SKIC3: variants seen among roughly 807,000 people sequenced by gnomAD.
SKIC3 encodes the protein SKI3 subunit of superkiller complex, also known as superkiller complex protein 3.
chr5:95,478,408 A>G, the SKIC3 span: 3 of 1,613,970 alleles, frequency 1.9e-6, no homozygotes, highest in Non-Finnish European at 2.5e-6. Context: ...TGCAGCTCTC[A>G]TCATTCCTTG....
At chr5:95,478,422 T>C in the SKIC3 span, 1 of 1,613,914 alleles carries the variant, frequency 6.2e-7, no homozygotes, top group East Asian at 2.2e-5. Context: ...TTCCTTGGGA[T>C]TGATACACAT....
the SKIC3 span, among the ~76,000 whole-genome samples, chr5:95,498,039 G>A: frequency 6.6e-6 from 1 of 152,074 alleles, no homozygotes; most frequent in African/African-American, 2.4e-5. Context: ...TTAAACGGCT[G>A]AAAATTACTA....
chr5:95,471,418 G>T, the SKIC3 span, among the ~76,000 whole-genome samples: 8 of 152,026 alleles, frequency 5.3e-5, no homozygotes, highest in African/African-American at 1.9e-4. Context: ...CCCACTACCT[G>T]TTCAACATTT....
the SKIC3 span, among the ~76,000 whole-genome samples, chr5:95,508,296 C>T: frequency 1.3e-5 from 2 of 152,122 alleles, no homozygotes; most frequent in African/African-American, 2.4e-5. Context: ...GATTAGGCAA[C>T]CAGGTCTTTT....
the SKIC3 span, chr5:95,516,693 C>A: frequency 1.9e-6 from 3 of 1,613,284 alleles, no homozygotes; most frequent in African/African-American, 1.3e-5. Flanking sequence ...GCAACCACAC[C>A]AAGAGCATTC....
chr5:95,473,604 C>T, the SKIC3 span, among the ~76,000 whole-genome samples: 1 of 152,146 alleles, frequency 6.6e-6, no homozygotes, highest in Non-Finnish European at 1.5e-5. Flanking sequence ...TAATAATAGC[C>T]ATTCTGACTG....
chr5:95,546,462 GA>G, the SKIC3 span, among the ~76,000 whole-genome samples: 1 of 151,618 alleles, frequency 6.6e-6, no homozygotes, highest in Admixed American at 6.6e-5. Flanking sequence ...CAAGAAAATA[GA>G]AGCCATTAGA....
At chr5:95,506,597 C>T in the SKIC3 span, among the ~76,000 whole-genome samples, 1 of 152,226 alleles carries the variant, frequency 6.6e-6, no homozygotes, top group South Asian at 2.1e-4. Flanking sequence ...CCCCTAATGT[C>T]CCTCCCCGGT....
the SKIC3 span, chr5:95,482,487 C>G: frequency 6.2e-7 from 1 of 1,613,930 alleles, no homozygotes; most frequent in Non-Finnish European, 8.5e-7. Context: ...CAAGCTGGAA[C>G]AGAGGTTGAG....
At chr5:95,490,324 T>C in the SKIC3 span, among the ~76,000 whole-genome samples, 1 of 151,484 alleles carries the variant, frequency 6.6e-6, no homozygotes. Context: ...ATTGGGCTTT[T>C]AAGCTATCTG....
chr5:95,504,722 C>A, the SKIC3 span, among the ~76,000 whole-genome samples: 1 of 151,704 alleles, frequency 6.6e-6, no homozygotes, highest in Non-Finnish European at 1.5e-5. Context: ...GAGAGGAAGC[C>A]GGGCACAGTG....
the SKIC3 span, among the ~76,000 whole-genome samples, chr5:95,541,132 A>C: frequency 4.6e-5 from 7 of 151,898 alleles, no homozygotes; most frequent in Non-Finnish European, 1.0e-4. Context: ...ATGCCCAGCT[A>C]ATTTTGTATT....
chr5:95,494,765 T>G, the SKIC3 span: 2 of 1,613,808 alleles, frequency 1.2e-6, no homozygotes. Context: ...CATAGCCAAC[T>G]GATTTACCGC....
At chr5:95,492,296 C>G in the SKIC3 span, among the ~76,000 whole-genome samples, 2 of 151,986 alleles carry the variant, frequency 1.3e-5, no homozygotes, top group Admixed American at 1.3e-4. Context: ...AGCCGTGCCA[C>G]TAATTAATGT....
At chr5:95,478,311 T>C in the SKIC3 span, 4,914 of 1,613,904 alleles carry the variant, frequency 3.0e-3, 22 homozygotes, top group Middle Eastern at 4.3e-3. Flanking sequence ...TTAATGCAAG[T>C]AGTGCTAGTC....
At chr5:95,498,841 G>A in the SKIC3 span, among the ~76,000 whole-genome samples, 2 of 152,128 alleles carry the variant, frequency 1.3e-5, no homozygotes, top group African/African-American at 4.8e-5. Context: ...TAGCTAGGAT[G>A]GTCTCAATCT....
the SKIC3 span, chr5:95,512,633 A>T: frequency 3.1e-6 from 5 of 1,613,820 alleles, no homozygotes; most frequent in Non-Finnish European, 3.4e-6. Flanking sequence ...AAAAAAGCCA[A>T]CGTTAAGCAG....
chr5:95,523,365 A>G, the SKIC3 span: 1 of 1,579,474 alleles, frequency 6.3e-7, no homozygotes, highest in East Asian at 2.2e-5. Context: ...TATATTGAAC[A>G]TTATAAAAAG....
chr5:95,518,519 A>AT, the SKIC3 span, among the ~76,000 whole-genome samples: 34,711 of 149,432 alleles, frequency 0.23, 4,993 homozygotes, highest in African/African-American at 0.41. Flanking sequence ...TATGAGATCA[A>AT]TTTTTTTTTT....
Sources: allele counts gnomAD v4.1 joint callset (sites outside exome capture counted in the v4.1 genomes callset), GRCh38; gene constraint gnomAD v4.1.1; transcripts MANE v1.5; gene names NCBI Gene and HGNC (gene_info 2026-07-23, HGNC 2026-07-21).